Variants in ERAP1 observed in about 807,000 individuals in gnomAD.
ERAP1 encodes endoplasmic reticulum aminopeptidase 1, also known as adipocyte-derived leucine aminopeptidase.
ERAP1 carries 86 observed loss-of-function variants against 103.7 expected under a neutral mutation model. That is an observed-to-expected ratio of 0.83 (90% CI 0.70 to 0.99). ERAP1 has a LOEUF of 0.99. Among genes scored for constraint, ERAP1 ranks in the 50% least tolerant of loss-of-function variants. The pLI, the probability that ERAP1 is intolerant of heterozygous loss-of-function variation, is 0.00. For synonymous variants in ERAP1, 398 were observed against 402.4 expected (o/e 0.99, Z 0.13); for missense variants, 1,009 against 1,128.4 (o/e 0.89, Z 1.52).
the ERAP1 span, among the ~76,000 whole-genome samples, chr5:96,930,467 G>A: frequency 6.6e-6 from 1 of 152,078 alleles, no homozygotes; most frequent in Non-Finnish European, 1.5e-5. Flanking sequence ...CATATATTTG[G>A]CCACCCTGCT....
chr5:96,915,664 T>G, the ERAP1 span: 4 of 1,448,480 alleles, frequency 2.8e-6, no homozygotes, highest in East Asian at 2.4e-5. Flanking sequence ...TATGACTTTC[T>G]ATGGTGTTTC....
chr5:96,826,534 T>A, the ERAP1 span, among the ~76,000 whole-genome samples: 1 of 152,222 alleles, frequency 6.6e-6, no homozygotes, highest in East Asian at 1.9e-4. Context: ...TTTTTCTCCC[T>A]TTGAAGTAGG....
chr5:96,826,554 A>T, the ERAP1 span, among the ~76,000 whole-genome samples: 15 of 152,306 alleles, frequency 9.8e-5, no homozygotes, highest in African/African-American at 3.4e-4. Flanking sequence ...GACTTTTTTG[A>T]AAAAAGAGCC....
chr5:96,929,901 G>C, the ERAP1 span, among the ~76,000 whole-genome samples: 1 of 151,984 alleles, frequency 6.6e-6, no homozygotes, highest in Admixed American at 6.5e-5. Flanking sequence ...AAATATATCA[G>C]TGTTTATAAC....
At chr5:96,805,069 G>T (rs1047056132) in intron 1 of ERAP1, 2 of 151,536 alleles carry the variant, frequency 1.3e-5, no homozygotes, top group Non-Finnish European at 2.9e-5. Flanking sequence ...GCCAAGAGGG[G>T]CCCATACCAG....
chr5:96,892,139 C>T, the ERAP1 span, among the ~76,000 whole-genome samples: 110 of 152,212 alleles, frequency 7.2e-4, no homozygotes, highest in African/African-American at 2.5e-3. Flanking sequence ...TTATTTTCAG[C>T]GCAACTATAA....
intron 2 of ERAP1, 126 bp downstream of exon 2, chr5:96,803,277 G>A (rs891632144): frequency 2.7e-5 from 25 of 930,150 alleles, no homozygotes; most frequent in East Asian, 1.5e-4. Flanking sequence ...CTATAAAGAA[G>A]ATGCAAAAGC....
At chr5:96,766,178 T>C (rs763644620) in intron 19 of ERAP1, 3 of 1,191,206 alleles carry the variant, frequency 2.5e-6, no homozygotes, top group Non-Finnish European at 3.7e-6. Context: ...ATCGGATTTA[T>C]GCTACCAAGA....
At chr5:96,917,538 C>A in the ERAP1 span, 42 of 1,613,374 alleles carry the variant, frequency 2.6e-5, no homozygotes, top group Middle Eastern at 1.6e-4. Flanking sequence ...GAAACGATAA[C>A]CAAAAATATA....
At chr5:96,794,242 G>A (rs1777088112) in intron 5 of ERAP1, among the ~76,000 whole-genome samples, 1 of 116,616 alleles carries the variant, frequency 8.6e-6, no homozygotes, top group South Asian at 3.0e-4. Flanking sequence ...GAGTGCATTT[G>A]CAGTGGTATA....
chr5:96,771,718 A>G (rs753384765), downstream of ERAP1: 2 of 1,539,290 alleles, frequency 1.3e-6, no homozygotes, highest in East Asian at 4.5e-5. Context: ...TTGGGTGTTT[A>G]TTTGTAAATG....
At chr5:96,889,378 T>C in the ERAP1 span, 1 of 1,523,090 alleles carries the variant, frequency 6.6e-7, no homozygotes. Flanking sequence ...CCTCTTTCTC[T>C]TTCTATGTGA....
At chr5:96,765,817 ATAG>A (rs1174137498) in intron 19 of ERAP1, among the ~76,000 whole-genome samples, 1 of 90,372 alleles carries the variant, frequency 1.1e-5, no homozygotes, top group Non-Finnish European at 3.2e-5. Context: ...CATTTAAAAT[ATAG>A]CTAGAAAATT....
At chr5:96,902,400 CAT>C in the ERAP1 span, 32 of 1,194,074 alleles carry the variant, frequency 2.7e-5, no homozygotes, top group Non-Finnish European at 3.9e-5. Flanking sequence ...GGAAATTAAA[CAT>C]GTGTTGAGCT....
chr5:96,888,936 T>G, the ERAP1 span, among the ~76,000 whole-genome samples: 1 of 152,232 alleles, frequency 6.6e-6, no homozygotes, highest in African/African-American at 2.4e-5. Context: ...GTTAACATGA[T>G]TTGAAAGTTA....
chr5:96,894,082 C>T, the ERAP1 span, among the ~76,000 whole-genome samples: 1 of 152,202 alleles, frequency 6.6e-6, no homozygotes, highest in Non-Finnish European at 1.5e-5. Context: ...TATTTGTCTA[C>T]TGGTTGACCT....
At chr5:96,821,253 C>A in the ERAP1 span, among the ~76,000 whole-genome samples, 100,336 of 151,958 alleles carry the variant, frequency 0.66, 33,633 homozygotes, top group Non-Finnish European at 0.72. Flanking sequence ...TTAAGTATTA[C>A]TCATACTAAA....
the ERAP1 span, among the ~76,000 whole-genome samples, chr5:96,849,076 T>A: frequency 6.6e-6 from 1 of 152,136 alleles, no homozygotes; most frequent in Non-Finnish European, 1.5e-5. Context: ...AAATTCAACA[T>A]CTTTTCATGA....
chr5:96,828,373 G>GTAA, the ERAP1 span, among the ~76,000 whole-genome samples: 2 of 151,954 alleles, frequency 1.3e-5, no homozygotes, highest in Non-Finnish European at 2.9e-5. Flanking sequence ...ATAAACATTA[G>GTAA]TAATAATAAT....
Sources: allele counts gnomAD v4.1 joint callset (sites outside exome capture counted in the v4.1 genomes callset), GRCh38; gene constraint gnomAD v4.1.1; transcripts MANE v1.5; gene names NCBI Gene and HGNC (gene_info 2026-07-23, HGNC 2026-07-21).